MORF4L2: variants seen among roughly 807,000 people sequenced by gnomAD.
MORF4L2 encodes the protein mortality factor 4 like 2, also known as mortality factor 4-like protein 2.
Under a neutral mutation model 12.0 loss-of-function variants are expected in MORF4L2, and 1 was observed. The observed-to-expected ratio is 0.08, with a 90% CI of 0.03 to 0.40. The LOEUF is 0.40. MORF4L2 is among the 10% of genes least tolerant of loss of function. The pLI is 0.98. For missense variants in MORF4L2, 123 were observed against 214.0 expected, an observed-to-expected ratio of 0.57 and a Z score of 2.65; for synonymous variants, 69 against 81.6, an observed-to-expected ratio of 0.85 and a Z score of 0.83.
At chrX:103,677,218 C>G (rs1411213448) in intron 3 of MORF4L2, among the ~76,000 whole-genome samples, 167 bp from the exon 4 acceptor site, 1 of 110,687 alleles carries the variant, frequency 9.0e-6, no homozygotes, top group Non-Finnish European at 1.9e-5. Flanking sequence ...ACCTCCTTTC[C>G]CTCTCTCTGA....
chrX:103,679,860 CAAAAAAAAAAAA>C (rs1157909391), intron 2 of MORF4L2, among the ~76,000 whole-genome samples: 6 of 47,737 alleles, frequency 1.3e-4, no homozygotes, highest in African/African-American at 5.6e-4. Context: ...CACCTGTGGG[CAAAAAAAAAAAA>C]AAAAAAAAAA....
At chrX:103,681,311 G>T (rs888965856) in intron 2 of MORF4L2, among the ~76,000 whole-genome samples, 1 of 111,487 alleles carries the variant, frequency 9.0e-6, no homozygotes, top group South Asian at 3.7e-4. Context: ...TTTAAACAGA[G>T]GTGAGCTCAT....
intron 2 of MORF4L2, among the ~76,000 whole-genome samples, chrX:103,681,743 A>AT (rs1272641538): frequency 9.0e-6 from 1 of 111,073 alleles, no homozygotes; most frequent in African/African-American, 3.3e-5. Flanking sequence ...CATTTAAAAA[A>AT]TTTTTTTTCC....
At chrX:103,687,116 T>TC (rs1269263132), upstream of MORF4L2, among the ~76,000 whole-genome samples, 1 of 108,426 alleles carries the variant, frequency 9.2e-6, no homozygotes, top group Non-Finnish European at 1.9e-5. Context: ...TTTTTTTTTT[T>TC]CCTGCAGGGA....
chrX:103,687,736 C>G (rs2147711936), upstream of MORF4L2, among the ~76,000 whole-genome samples: 1 of 111,400 alleles, frequency 9.0e-6, no homozygotes, highest in East Asian at 2.8e-4. Flanking sequence ...TGCCAAAATC[C>G]TATCGTAAAC....
In MORF4L2 at chrX:103,678,521, C is replaced by T. The variant is rs932577698; in HGVS notation, c.-47G>A. ...TACACAATCTTCCTTCTTTCCCTTC[C>T]AAGAACTCCTAGTGATTTCCCAGAT... On this transcript the variant is annotated 5_prime_UTR_variant, in exon 3 of 4. Coordinates refer to ENST00000441076, the MANE Select transcript of MORF4L2 (RefSeq NM_012286.3). The T allele has an allele frequency of 1.4e-4, 16 of 111,624 alleles. No individual in the cohort carries two copies. Among genetic ancestry groups the T allele is most frequent in the Non-Finnish European group, 2.8e-4 (15 of 53,112 alleles). The allele number at this position is 111,624 out of a possible 1,213,427, so 9.2% of individuals were successfully genotyped here.
At chrX:103,684,411 C>G (rs929533781) in intron 2 of MORF4L2, among the ~76,000 whole-genome samples, 1 of 111,554 alleles carries the variant, frequency 9.0e-6, no homozygotes, top group African/African-American at 3.3e-5. Flanking sequence ...CCTGGAAATT[C>G]CCTCATAAAT....
intron 2 of MORF4L2, among the ~76,000 whole-genome samples, chrX:103,682,887 G>A (rs1468942777): frequency 2.7e-5 from 3 of 111,672 alleles, no homozygotes; most frequent in African/African-American, 6.5e-5. Flanking sequence ...TACTGCAGAA[G>A]TGATTTCCTA....
At position 103,676,958 on chromosome X, in the gene MORF4L2, G is replaced by T. The variant is rs1192153079; in HGVS notation, c.70C>A (p.Pro24Thr). 1 of 1,208,404 alleles carries T rather than the reference G, an allele frequency of 8.3e-7. No homozygotes were observed. Among genetic ancestry groups the T allele is most frequent in the East Asian group, 3.0e-5 (1 of 33,690 alleles). Residue 24 changes from proline to threonine, a missense_variant, in exon 4 of 4, where the codon CCA becomes ACA. Physicochemically the swap from Pro to Thr is conservative, Grantham distance 38. Transcript: ENST00000441076. ...QSAEEENFKKPTRSNMQRSKM... is the reference protein window; with the variant it reads ...QSAEEENFKKTTRSNMQRSKM... ...CTTCTCTGCATGTTGCTTCTAGTTG[G>T]TTTTTTGAAGTTCTCTTCTTCTGCA...
intron 2 of MORF4L2, chrX:103,684,858 T>TTGC (rs1319739683): frequency 8.9e-6 from 1 of 112,401 alleles, no homozygotes; most frequent in Non-Finnish European, 1.9e-5. Flanking sequence ...CAGGAAGTAT[T>TTGC]TGCTCTTAAC....
upstream of MORF4L2, chrX:103,688,037 T>TA (rs2074155705): frequency 9.0e-6 from 1 of 111,454 alleles, no homozygotes; most frequent in Non-Finnish European, 1.9e-5. Flanking sequence ...TTCAGGCAAA[T>TA]ACGCACTGTT....
At chrX:103,682,464 C>G (rs1045879897) in intron 2 of MORF4L2, among the ~76,000 whole-genome samples, 15 of 110,406 alleles carry the variant, frequency 1.4e-4, no homozygotes, top group Non-Finnish European at 2.1e-4. Context: ...GTACTCCTAA[C>G]AAAAATATAA....
chrX:103,684,590 A>C (rs749713321), intron 2 of MORF4L2: 1 of 112,063 alleles, frequency 8.9e-6, no homozygotes, highest in Admixed American at 9.4e-5. Context: ...AAATATATCC[A>C]CTGCTTTTAG....
chrX:103,677,113 A>G, intron 3 of MORF4L2, 62 bp from the exon 4 acceptor site: 1 of 884,862 alleles, frequency 1.1e-6, no homozygotes. Context: ...TATGTTTCAT[A>G]AAGGCCCATC....
In MORF4L2 at chrX:103,685,214, T is replaced by A. The variant is rs2074070060; in HGVS notation, c.-221A>T. ...GGAAGGTTCTGCAATCAGGATCAGA[T>A]CTCCTGATCCTCACTATACAGCAAA... On this transcript the variant is annotated 5_prime_UTR_variant, in exon 2 of 4. Transcript: ENST00000441076. The A allele has an allele frequency of 8.9e-6, 1 of 111,957 alleles. No individual in the cohort carries two copies. Among genetic ancestry groups the A allele is most frequent in the Admixed American group, 9.4e-5 (1 of 10,604 alleles). The allele number at this position is 111,957 out of a possible 1,213,427, so 9.2% of individuals were successfully genotyped here. A position where few individuals can be genotyped will look rare whatever the true frequency, so the allele number is the denominator to read the frequency against.
At chrX:103,679,446 G>A (rs2073929390) in intron 2 of MORF4L2, among the ~76,000 whole-genome samples, 1 of 108,271 alleles carries the variant, frequency 9.2e-6, no homozygotes, top group Admixed American at 9.8e-5. Context: ...TTGAACCCGA[G>A]AGGCAGAGGT....
intron 2 of MORF4L2, among the ~76,000 whole-genome samples, chrX:103,682,073 C>T (rs2073997816): frequency 9.0e-6 from 1 of 111,513 alleles, no homozygotes; most frequent in African/African-American, 3.3e-5. Context: ...GTATATTATA[C>T]ACATAGGTAT....
rs1313941770 is a variant in MORF4L2 at position 103,675,973 on chromosome X, A to T, written c.*188T>A. Reference sequence around the variant, plus strand: ...TCTAATTACTGCATACACTGGTAGCAACTTTGAAATGAGAAAAGGAGCTTA... The same window carrying T: ...TCTAATTACTGCATACACTGGTAGCTACTTTGAAATGAGAAAAGGAGCTTA... On this transcript the variant is annotated 3_prime_UTR_variant, in exon 4 of 4. Transcript: ENST00000441076. The T allele has an allele frequency of 2.2e-6, 1 of 449,995 alleles. No homozygotes were observed. Among genetic ancestry groups the T allele is most frequent in the Non-Finnish European group, 3.7e-6 (1 of 268,274 alleles). 37.1% of individuals were successfully genotyped at this position (449,995 alleles called of 1,213,427 possible).
chrX:103,687,514 T>G (rs1372198578), upstream of MORF4L2: 2 of 111,288 alleles, frequency 1.8e-5, no homozygotes, highest in Non-Finnish European at 3.8e-5. Flanking sequence ...CGCGCGCGCG[T>G]GCGTGATGGT....
Sources: allele counts gnomAD v4.1 joint callset (sites outside exome capture counted in the v4.1 genomes callset), GRCh38; gene constraint gnomAD v4.1.1; transcripts MANE v1.5; gene names NCBI Gene and HGNC (gene_info 2026-07-23, HGNC 2026-07-21).